EFL1: variants seen among roughly 807,000 people sequenced by gnomAD.
EFL1 encodes the protein elongation factor like GTPase 1.
In EFL1, 76 loss-of-function variants were observed where a neutral mutation model predicts 126.7. The observed-to-expected ratio is 0.60, with a 90% CI of 0.50 to 0.73. The LOEUF (loss-of-function observed/expected upper bound fraction) is 0.73. EFL1 is among the 30% of genes least tolerant of loss of function. The pLI is 0.00. For synonymous variants in EFL1, 410 were observed against 448.4 expected (o/e 0.91, Z 1.08); for missense variants, 1,128 against 1,343.2 (o/e 0.84, Z 2.50).
At chr15:82,212,996 T>G (rs1273880566) in intron 15 of EFL1, among the ~76,000 whole-genome samples, 1 of 152,194 alleles carries the variant, frequency 6.6e-6, no homozygotes, top group Non-Finnish European at 1.5e-5. Flanking sequence ...AAAAGCCACA[T>G]GCTGAGCCAC....
chr15:82,226,750 A>T (rs1416328290), intron 11 of EFL1, among the ~76,000 whole-genome samples: 1 of 152,232 alleles, frequency 6.6e-6, no homozygotes, highest in Non-Finnish European at 1.5e-5. Context: ...GATTGGGTAC[A>T]ATTATCAAAA....
chr15:82,157,700 A>G lies in EFL1; in HGVS notation c.2030+13T>C. On this transcript the variant is annotated intron_variant, in intron 17 of 19. Coordinates refer to ENST00000268206, the MANE Select transcript of EFL1 (RefSeq NM_024580.6). Reference sequence around the variant, plus strand: ...GAGCTATCATTTCTCCATCGCTATCATTTTCACCTAACCTTTCTTTTAAGT... The same window carrying G: ...GAGCTATCATTTCTCCATCGCTATCGTTTTCACCTAACCTTTCTTTTAAGT... 6.2e-7 allele frequency: 1 copy of G among 1,606,242 alleles called. No individual in the cohort carries two copies. Among genetic ancestry groups the G allele is most frequent in the Non-Finnish European group, 8.5e-7 (1 of 1,174,420 alleles).
chr15:82,156,145 T>A (rs1256243260), intron 17 of EFL1, among the ~76,000 whole-genome samples: 1 of 152,214 alleles, frequency 6.6e-6, no homozygotes, highest in Non-Finnish European at 1.5e-5. Context: ...TCTTATACTA[T>A]CTTCTAAACA....
chr15:82,223,706 A>C (rs1181383144), intron 12 of EFL1, among the ~76,000 whole-genome samples: 1 of 152,198 alleles, frequency 6.6e-6, no homozygotes, highest in Non-Finnish European at 1.5e-5. Context: ...AATATCCTAC[A>C]TTTGTTACTA....
chr15:82,230,763 A>G, intron 8 of EFL1, 85 bp downstream of exon 8: 1 of 1,459,350 alleles, frequency 6.9e-7, no homozygotes, highest in Non-Finnish European at 9.1e-7. Flanking sequence ...TTAAAGCTGA[A>G]TTACATTTAT....
At chr15:82,178,351 G>C (rs986656374) in intron 15 of EFL1, among the ~76,000 whole-genome samples, 1 of 152,124 alleles carries the variant, frequency 6.6e-6, no homozygotes, top group Non-Finnish European at 1.5e-5. Context: ...ACTAATCTGG[G>C]CATCCTAGTG....
chr15:82,142,284 C>T lies in EFL1; in HGVS notation c.2990-3442G>A, dbSNP rs147531769. 1.6e-4 allele frequency among the ~76,000 whole-genome samples: 24 copies of T among 152,180 alleles called. No homozygotes were observed. In the East Asian group the frequency reaches 2.5e-3, roughly 16 times the overall value. Reference sequence around the variant, plus strand: ...CTTTGGGAGGCAGAGGTGGGAGGAACGCTTGAGACCAGCCTAGGTAACAAA... The same window carrying T: ...CTTTGGGAGGCAGAGGTGGGAGGAATGCTTGAGACCAGCCTAGGTAACAAA... On this transcript the variant is annotated intron_variant, in intron 18 of 19. Transcript: ENST00000268206.
rs1375274256 is a variant in EFL1 at position 82,160,509 on chromosome 15, G to A, written c.1883-2649C>T. The stretch of plus-strand genomic sequence containing the variant: ...TTATCTATAATTATATGTACATACT[G>A]TATGTATCTTCATCAAATACAAATA... On this transcript the variant is annotated intron_variant, in intron 16 of 19. Coordinates refer to ENST00000268206, the MANE Select transcript of EFL1 (RefSeq NM_024580.6). 2.0e-5 allele frequency among the ~76,000 whole-genome samples: 3 copies of A among 152,224 alleles called. No homozygotes were observed. In the East Asian group the frequency reaches 5.8e-4, roughly 29 times the overall value.
chr15:82,234,353 T>C (rs1025314562), intron 7 of EFL1, among the ~76,000 whole-genome samples: 4 of 152,190 alleles, frequency 2.6e-5, no homozygotes, highest in Non-Finnish European at 5.9e-5. Context: ...ATTCTTGTTT[T>C]TTCAGATAAG....
rs926583109 is a variant in EFL1, at chr15:82,249,645, T to C, written c.244+3046A>G. The stretch of plus-strand genomic sequence containing the variant: ...TAGGAATACTTCCTAACTCTTGAGA[T>C]GACAAGATAAATGTATGGTATCCTT... On this transcript the variant is annotated intron_variant, in intron 4 of 19. Coordinates refer to ENST00000268206, the MANE Select transcript of EFL1 (RefSeq NM_024580.6). 1.3e-4 allele frequency among the ~76,000 whole-genome samples: 20 copies of C among 152,092 alleles called. 1 individual carries two copies. The highest frequency in any genetic ancestry group is 4.8e-4 in the African/African-American group (20 of 41,370).
chr15:82,252,766 T>C lies in EFL1; in HGVS notation c.169A>G (p.Met57Val), dbSNP rs1456342615. 1.3e-6 allele frequency: 2 copies of C among 1,591,946 alleles called. No individual in the cohort carries two copies. The highest frequency in any genetic ancestry group is 1.7e-6 in the Non-Finnish European group (2 of 1,160,866). The change falls in exon 4 of 20, where the codon ATG (methionine) becomes GTG (valine). Residue 57 changes from methionine to valine, a missense_variant. Met to Val is a conservative substitution (Grantham distance 21). Transcript: ENST00000268206. ...SSRLAGKLRY[M>V]DSREDEQIRG... is the part of the protein sequence containing the mutation. ...ATCTGTTCATCTTCTCTGCTGTCCATGTACCTTAACTGGAAAAATGCAACA... is the reference window on the plus strand; with the variant it reads ...ATCTGTTCATCTTCTCTGCTGTCCACGTACCTTAACTGGAAAAATGCAACA...
chr15:82,163,989 A>C lies in EFL1; in HGVS notation c.1751-5T>G. 6.2e-7 allele frequency: 1 copy of C among 1,613,442 alleles called. No homozygotes were observed. On this transcript the variant is annotated splice_polypyrimidine_tract_variant and splice_region_variant and intron_variant, in intron 15 of 19. Coordinates refer to ENST00000268206, the MANE Select transcript of EFL1 (RefSeq NM_024580.6). ...AATCTTGAAGGCCTCCTATTCCTGT[A>C]GGAAGAAAAGATCCATACGGTCAAT... is the stretch of plus-strand genomic sequence containing the variant.
intron 15 of EFL1, among the ~76,000 whole-genome samples, chr15:82,195,586 C>T (rs1215002583): frequency 6.6e-6 from 1 of 152,182 alleles, no homozygotes; most frequent in Non-Finnish European, 1.5e-5. Flanking sequence ...TTGTGATTTG[C>T]TGTCCCTCAA....
In EFL1 at chr15:82,206,469, A is replaced by C. The variant is rs1365344547; in HGVS notation, c.1750+8248T>G. 7.2e-5 allele frequency among the ~76,000 whole-genome samples: 11 copies of C among 152,162 alleles called. 1 individual carries two copies. ...ATATCCCATCTTAATAAATATTATT[A>C]TGGGATCAAGGAAAGTTACTTAATC... is the stretch of plus-strand genomic sequence containing the variant. On this transcript the variant is annotated intron_variant, in intron 15 of 19. Coordinates refer to ENST00000268206, the MANE Select transcript of EFL1 (RefSeq NM_024580.6).
At chr15:82,218,321 G>T (rs1329649851) in intron 14 of EFL1, among the ~76,000 whole-genome samples, 3 of 152,010 alleles carry the variant, frequency 2.0e-5, no homozygotes, top group Non-Finnish European at 4.4e-5. Flanking sequence ...TTTTTTTTAA[G>T]CAGTTGGAAT....
rs769971879 is a variant in EFL1, at chr15:82,152,097, C to T, written c.2357G>A (p.Gly786Asp). Residue 786 changes from glycine to aspartate, a missense_variant, in exon 18 of 20, where the codon GGT becomes GAT. Transcript: ENST00000268206. ...MEQLTSSLNEGENTHMIHQKT... is the reference protein window; with the variant it reads ...MEQLTSSLNEDENTHMIHQKT... Reference sequence around the variant, plus strand: ...CTGATGAATCATGTGAGTATTTTCACCCTCATTCAAAGAGGATGTCAACTG... The same window carrying T: ...CTGATGAATCATGTGAGTATTTTCATCCTCATTCAAAGAGGATGTCAACTG... 8.1e-6 allele frequency: 13 copies of T among 1,613,908 alleles called. No individual in the cohort carries two copies. Among genetic ancestry groups the T allele is most frequent in the Non-Finnish European group, 1.1e-5 (13 of 1,179,992 alleles).
chr15:82,193,000 T>G (rs984091568), intron 15 of EFL1, among the ~76,000 whole-genome samples: 2 of 152,234 alleles, frequency 1.3e-5, no homozygotes, highest in Non-Finnish European at 2.9e-5. Context: ...ACTGTTATTT[T>G]GACACTTCTT....
At position 82,262,728 on chromosome 15, in the gene EFL1, G is replaced by A. The variant is rs1596019910; in HGVS notation, c.-134C>T. The A allele has an allele frequency of 3.3e-6, 3 of 916,426 alleles. No homozygotes were observed. Among genetic ancestry groups the A allele is most frequent in the Non-Finnish European group, 4.7e-6 (3 of 633,288 alleles). 56.8% of individuals were successfully genotyped at this position (916,426 alleles called of 1,614,324 possible). A position where few individuals can be genotyped will look rare whatever the true frequency, so the allele number is the denominator to read the frequency against. On this transcript the variant is annotated 5_prime_UTR_variant, in exon 1 of 20. Transcript: ENST00000268206. ...ACACGCCCGCGCGCCAGGGGGCGGG[G>A]CCGGCTGTCGCTCGACCTTTCACCC...
At chr15:82,229,778 C>T (rs2074802033) in intron 8 of EFL1, among the ~76,000 whole-genome samples, 2 of 152,114 alleles carry the variant, frequency 1.3e-5, no homozygotes, top group Admixed American at 6.5e-5. Flanking sequence ...TCTACAATAT[C>T]AAAACATTTG....
Sources: allele counts gnomAD v4.1 joint callset (sites outside exome capture counted in the v4.1 genomes callset), GRCh38; gene constraint gnomAD v4.1.1; transcripts MANE v1.5; gene names NCBI Gene and HGNC (gene_info 2026-07-23, HGNC 2026-07-21).